Variants in NOPCHAP1 observed in about 807,000 individuals in gnomAD.
The protein encoded by NOPCHAP1 is NOP protein chaperone 1, also known as DNA damage-sensitive RNA 1.
In NOPCHAP1, 13 loss-of-function variants were observed where a neutral mutation model predicts 14.0. The observed-to-expected ratio is 0.93, with a 90% CI of 0.60 to 1.47. The LOEUF (loss-of-function observed/expected upper bound fraction) is 1.47. NOPCHAP1 is among the 40% of genes most tolerant of loss of function. The pLI is 0.00. For synonymous variants in NOPCHAP1, 78 were observed against 78.4 expected, an observed-to-expected ratio of 1.00 and a Z score of 0.03; for missense variants, 230 against 226.9, an observed-to-expected ratio of 1.01 and a Z score of -0.09.
rs1160981199 is a variant in NOPCHAP1 at position 105,010,424 on chromosome 12, C to T, written c.*15728C>T. The stretch of plus-strand genomic sequence containing the variant: ...TATTTTGTTAATCTTCTCAAAAAAC[C>T]AGCTCCTGGATTCGTGGATTTTTTG... On this transcript the variant is annotated 3_prime_UTR_variant, in exon 4 of 4. Coordinates refer to ENST00000552951, the MANE Select transcript of NOPCHAP1 (RefSeq NM_152318.3). 1.3e-5 allele frequency: 2 copies of T among 152,036 alleles called. No individual in the cohort carries two copies. Among genetic ancestry groups the T allele is most frequent in the African/African-American group, 4.8e-5 (2 of 41,394 alleles). The allele number at this position is 152,036 out of a possible 1,614,324, so 9.4% of individuals were successfully genotyped here. A position where few individuals can be genotyped will look rare whatever the true frequency, so the allele number is the denominator to read the frequency against.
At position 105,003,194 on chromosome 12, in the gene NOPCHAP1, G is replaced by C. The variant is rs1382193293; in HGVS notation, c.*8498G>C. The C allele has an allele frequency of 6.6e-6, 1 of 152,160 alleles. No individual in the cohort carries two copies. Among genetic ancestry groups the C allele is most frequent in the African/African-American group, 2.4e-5 (1 of 41,420 alleles). 9.4% of individuals were successfully genotyped at this position (152,160 alleles called of 1,614,324 possible). A position where few individuals can be genotyped will look rare whatever the true frequency, so the allele number is the denominator to read the frequency against. On this transcript the variant is annotated 3_prime_UTR_variant, in exon 4 of 4. Coordinates refer to ENST00000552951, the MANE Select transcript of NOPCHAP1 (RefSeq NM_152318.3). ...CTTTCTTTTGTAGTGTGCCTTGCAA[G>C]TGAACAAGTTTATGTAGGTTAAAAC...
chr12:104,994,767 G>A lies in NOPCHAP1; in HGVS notation c.*71G>A, dbSNP rs75497332. 7,894 of 1,377,518 alleles carry A rather than the reference G, an allele frequency of 5.7e-3. 358 individuals carry two copies. In the East Asian group the frequency reaches 0.12, roughly 21 times the overall value. 85.3% of individuals were successfully genotyped at this position (1,377,518 alleles called of 1,614,324 possible). On this transcript the variant is annotated 3_prime_UTR_variant, in exon 4 of 4. Transcript: ENST00000552951. ...TTCTGTGAAAAAGAATGTGATTCACGGGTTCTTTTGCTTTTCAGGCACCTA... is the reference window on the plus strand; with the variant it reads ...TTCTGTGAAAAAGAATGTGATTCACAGGTTCTTTTGCTTTTCAGGCACCTA...
rs1359783474 is a variant in NOPCHAP1, at chr12:105,010,918, A to C, written c.*16222A>C. ...CAATTATGTGGTCAATTTTAGAAAAAGTGTGATGTGGTGCTGAGAAGAATG... is the reference window on the plus strand; with the variant it reads ...CAATTATGTGGTCAATTTTAGAAAACGTGTGATGTGGTGCTGAGAAGAATG... On this transcript the variant is annotated 3_prime_UTR_variant, in exon 4 of 4. Transcript: ENST00000552951. 6.6e-6 allele frequency: 1 copy of C among 152,128 alleles called. No individual in the cohort carries two copies. The highest frequency in any genetic ancestry group is 1.9e-4 in the East Asian group (1 of 5,200). 9.4% of individuals were successfully genotyped at this position (152,128 alleles called of 1,614,324 possible).
rs764143015 is a variant in NOPCHAP1, at chr12:105,010,981, G to A, written c.*16285G>A. The A allele has an allele frequency of 2.6e-5, 4 of 152,188 alleles. No homozygotes were observed. Among genetic ancestry groups the A allele is most frequent in the African/African-American group, 7.2e-5 (3 of 41,446 alleles). 9.4% of individuals were successfully genotyped at this position (152,188 alleles called of 1,614,324 possible). On this transcript the variant is annotated 3_prime_UTR_variant, in exon 4 of 4. Coordinates refer to ENST00000552951, the MANE Select transcript of NOPCHAP1 (RefSeq NM_152318.3). Reference sequence around the variant, plus strand: ...ATTTGGAGTGGAGAGTTCTGTAGATGTCTATTAAGCACACTTGGTCCAGAG... The same window carrying A: ...ATTTGGAGTGGAGAGTTCTGTAGATATCTATTAAGCACACTTGGTCCAGAG...
rs543226427 is a variant in NOPCHAP1 at position 105,013,985 on chromosome 12, C to G, written c.*19289C>G. 1 of 152,196 alleles carries G rather than the reference C, an allele frequency of 6.6e-6. No individual in the cohort carries two copies. Among genetic ancestry groups the G allele is most frequent in the South Asian group, 2.1e-4 (1 of 4,824 alleles). 9.4% of individuals were successfully genotyped at this position (152,196 alleles called of 1,614,324 possible). ...CTATTTGGCCATCTTGCCAGCCAGC[C>G]GAGAGATCACTTTTTACTGTGATAG... On this transcript the variant is annotated 3_prime_UTR_variant, in exon 4 of 4. Coordinates refer to ENST00000552951, the MANE Select transcript of NOPCHAP1 (RefSeq NM_152318.3).
At chr12:104,988,122 T>C in intron 1 of NOPCHAP1, 45 bp from the exon 2 acceptor site, 1 of 1,454,758 alleles carries the variant, frequency 6.9e-7, no homozygotes, top group East Asian at 2.3e-5. Flanking sequence ...CTTTGTTTTT[T>C]TATGCTGTAG....
In NOPCHAP1 at chr12:105,014,553, T is replaced by G. The variant is rs1239439023; in HGVS notation, c.*19857T>G. 1.3e-5 allele frequency: 2 copies of G among 152,238 alleles called. No individual in the cohort carries two copies. The highest frequency in any genetic ancestry group is 1.5e-5 in the Non-Finnish European group (1 of 68,046). 9.4% of individuals were successfully genotyped at this position (152,238 alleles called of 1,614,324 possible). A position where few individuals can be genotyped will look rare whatever the true frequency, so the allele number is the denominator to read the frequency against. ...ACCTATTTTTATTTTAAGAATTCCT[T>G]TCTAGTTTGAGTTGGAAAACTGATG... On this transcript the variant is annotated 3_prime_UTR_variant, in exon 4 of 4. Coordinates refer to ENST00000552951, the MANE Select transcript of NOPCHAP1 (RefSeq NM_152318.3).
rs781130688 is a variant in NOPCHAP1 at position 104,995,495 on chromosome 12, T to G, written c.*799T>G. The G allele has an allele frequency of 1.3e-5, 2 of 152,164 alleles. No homozygotes were observed. The highest frequency in any genetic ancestry group is 6.5e-5 in the Admixed American group (1 of 15,274). 9.4% of individuals were successfully genotyped at this position (152,164 alleles called of 1,614,324 possible). The stretch of plus-strand genomic sequence containing the variant: ...AGAGGAGATCTAAGGCTGCATGATA[T>G]CCCATTAAGTGCTTTTGTTAAATGC... On this transcript the variant is annotated 3_prime_UTR_variant, in exon 4 of 4. Transcript: ENST00000552951.
At chr12:104,992,307 C>A (rs1342492281) in intron 3 of NOPCHAP1, among the ~76,000 whole-genome samples, 1 of 152,186 alleles carries the variant, frequency 6.6e-6, no homozygotes, top group African/African-American at 2.4e-5. Flanking sequence ...TTAATAATAT[C>A]TAATTCATTA....
At position 105,005,331 on chromosome 12, in the gene NOPCHAP1, T is replaced by C. The variant is rs1303169232; in HGVS notation, c.*10635T>C. On this transcript the variant is annotated 3_prime_UTR_variant, in exon 4 of 4. Coordinates refer to ENST00000552951, the MANE Select transcript of NOPCHAP1 (RefSeq NM_152318.3). ...AAGCAAGTGGCTCAAGAGTGCTGGT[T>C]AGAGAATTTTCTGGGGTTTAAATAC... 5.9e-5 allele frequency: 9 copies of C among 152,244 alleles called. No individual in the cohort carries two copies. The highest frequency in any genetic ancestry group is 1.3e-4 in the Non-Finnish European group (9 of 68,056). The allele number at this position is 152,244 out of a possible 1,614,324, so 9.4% of individuals were successfully genotyped here.
chr12:104,992,598 C>A (rs1317830233), intron 3 of NOPCHAP1, among the ~76,000 whole-genome samples: 1 of 152,158 alleles, frequency 6.6e-6, no homozygotes, highest in Non-Finnish European at 1.5e-5. Context: ...TCAGAGGTTC[C>A]CAACCCCCAG....
chr12:105,017,537 TGA>T lies in NOPCHAP1; in HGVS notation c.*22843_*22844del, dbSNP rs1325126463. The T allele has an allele frequency of 6.7e-6, 1 of 150,312 alleles. No homozygotes were observed. Among genetic ancestry groups the T allele is most frequent in the African/African-American group, 2.5e-5 (1 of 40,678 alleles). 9.3% of individuals were successfully genotyped at this position (150,312 alleles called of 1,614,324 possible). On this transcript the variant is annotated 3_prime_UTR_variant, in exon 4 of 4. Transcript: ENST00000552951. ...AAAAAAAAAATGTAAGAAAAGAGGT[TGA>T]GTCTTATTTTCATTTGTATTTCTCT...
rs1212563952 is a variant in NOPCHAP1 at position 105,009,738 on chromosome 12, T to C, written c.*15042T>C. The C allele has an allele frequency of 6.6e-6, 1 of 152,212 alleles. No individual in the cohort carries two copies. The highest frequency in any genetic ancestry group is 1.5e-5 in the Non-Finnish European group (1 of 68,036). 9.4% of individuals were successfully genotyped at this position (152,212 alleles called of 1,614,324 possible). A position where few individuals can be genotyped will look rare whatever the true frequency, so the allele number is the denominator to read the frequency against. ...TGAAATAATCATGTGCTTTTTGTCA[T>C]TGGTTCTGTTTATGTGATGGATTAT... On this transcript the variant is annotated 3_prime_UTR_variant, in exon 4 of 4. Transcript: ENST00000552951.
chr12:105,011,992 AT>A lies in NOPCHAP1; in HGVS notation c.*17297del. 6.6e-6 allele frequency: 1 copy of A among 152,264 alleles called. No homozygotes were observed. The highest frequency in any genetic ancestry group is 1.9e-4 in the East Asian group (1 of 5,182). The allele number at this position is 152,264 out of a possible 1,614,324, so 9.4% of individuals were successfully genotyped here. Reference sequence around the variant, plus strand: ...CTTGGGGTTGCTCTTCTCGAGGAATATCTTCATGGTGTTCTCTGTATTTCCT... The same window carrying A: ...CTTGGGGTTGCTCTTCTCGAGGAATACTTCATGGTGTTCTCTGTATTTCCT... On this transcript the variant is annotated 3_prime_UTR_variant, in exon 4 of 4. Transcript: ENST00000552951.
Position 104,995,155 on chromosome 12 carries a change from G to A in NOPCHAP1, c.*459G>A, listed in dbSNP as rs1256161391. 1.0e-5 allele frequency: 2 copies of A among 194,686 alleles called. No homozygotes were observed. Among genetic ancestry groups the A allele is most frequent in the South Asian group, 1.1e-4 (1 of 9,130 alleles). 12.1% of individuals were successfully genotyped at this position (194,686 alleles called of 1,614,324 possible). A position where few individuals can be genotyped will look rare whatever the true frequency, so the allele number is the denominator to read the frequency against. ...TTATAAAAATACACTCCTGAGTTAG[G>A]TTTTGGTGTGTAGAGTACAGGAATA... On this transcript the variant is annotated 3_prime_UTR_variant, in exon 4 of 4. Coordinates refer to ENST00000552951, the MANE Select transcript of NOPCHAP1 (RefSeq NM_152318.3).
Position 104,988,214 on chromosome 12 carries a change from A to C in NOPCHAP1, c.163A>C (p.Thr55Pro). The C allele has an allele frequency of 1.2e-6, 2 of 1,612,894 alleles. No individual in the cohort carries two copies. Among genetic ancestry groups the C allele is most frequent in the Non-Finnish European group, 1.7e-6 (2 of 1,179,412 alleles). ...LINSQPKSRK[T>P]STLQTVRIER... ...CAACTCCCAACCTAAGTCCAGAAAG[A>C]CCTCCACTCTTCAAACAGTTCGGAT... The change falls in exon 2 of 4, where the codon ACC (threonine) becomes CCC (proline). Residue 55 changes from threonine (T) to proline (P), a missense_variant. Coordinates refer to ENST00000552951, the MANE Select transcript of NOPCHAP1 (RefSeq NM_152318.3).
chr12:104,989,118 A>C (rs887352986), intron 2 of NOPCHAP1, among the ~76,000 whole-genome samples: 3 of 151,910 alleles, frequency 2.0e-5, no homozygotes, highest in African/African-American at 7.3e-5. Flanking sequence ...GGCCTTTTTA[A>C]TTTTAGCTGT....
rs1475928500 is a variant in NOPCHAP1, at chr12:105,007,973, G to GTCTT, written c.*13279_*13282dup. On this transcript the variant is annotated 3_prime_UTR_variant, in exon 4 of 4. Transcript: ENST00000552951. ...GCAGTGCTGCAGTAAACATACATGT[G>GTCTT]TCTTTATAGTAGAATGATTTATAAT... 2 of 152,204 alleles carry GTCTT rather than the reference G, an allele frequency of 1.3e-5. No homozygotes were observed. The highest frequency in any genetic ancestry group is 2.9e-5 in the Non-Finnish European group (2 of 68,032). The allele number at this position is 152,204 out of a possible 1,614,324, so 9.4% of individuals were successfully genotyped here.
In NOPCHAP1 at chr12:104,991,789, C is replaced by A; in HGVS notation, c.280C>A (p.Pro94Thr). 1 of 1,613,462 alleles carries A rather than the reference C, an allele frequency of 6.2e-7. No individual in the cohort carries two copies. Among genetic ancestry groups the A allele is most frequent in the South Asian group, 1.1e-5 (1 of 90,904 alleles). The change falls in exon 3 of 4, where the codon CCA becomes ACA. Residue 94 changes from proline to threonine, a missense_variant. Physicochemically the swap from Pro to Thr is conservative, Grantham distance 38. Coordinates refer to ENST00000552951, the MANE Select transcript of NOPCHAP1 (RefSeq NM_152318.3). Reference protein sequence around the residue: ...EKLRKEMAAAPPGRFNIENID... With the variant: ...EKLRKEMAAATPGRFNIENID... Reference sequence around the variant, plus strand: ...GCTAAGAAAAGAAATGGCAGCTGCACCACCTGGTCGTTTCAATATTGAAAA... The same window carrying A: ...GCTAAGAAAAGAAATGGCAGCTGCAACACCTGGTCGTTTCAATATTGAAAA...
Sources: allele counts gnomAD v4.1 joint callset (sites outside exome capture counted in the v4.1 genomes callset), GRCh38; gene constraint gnomAD v4.1.1; transcripts MANE v1.5; gene names NCBI Gene and HGNC (gene_info 2026-07-23, HGNC 2026-07-21).